The following ATP1B1 variants were observed in gnomAD, a reference collection of about 807,000 sequenced individuals.
The protein encoded by ATP1B1 is ATPase Na+/K+ transporting subunit beta 1.
ATP1B1 carries 3 observed loss-of-function variants against 39.6 expected under a neutral mutation model. The observed-to-expected ratio is 0.08, with a 90% CI of 0.03 to 0.20. ATP1B1 has a LOEUF of 0.20. ATP1B1 is among the 10% of genes least tolerant of loss of function. The pLI is 1.00. For missense variants in ATP1B1, 216 were observed against 371.1 expected (o/e 0.58, Z 3.43); for synonymous variants, 139 against 135.0 (o/e 1.03, Z -0.20).
rs773428182 is a variant in ATP1B1 at position 169,110,610 on chromosome 1, C to T, written c.98-760C>T. On this transcript the variant is annotated intron_variant, in intron 1 of 5. Transcript: ENST00000367815. The stretch of plus-strand genomic sequence containing the variant: ...TTGCTTTTGCAGCTATTTCAGCCTC[C>T]ATCCTGTTGTCTTGTTAACTATGGG... 12 of 1,188,518 alleles carry T rather than the reference C, an allele frequency of 1.0e-5. No individual in the cohort carries two copies. The South Asian group carries it at 1.8e-4, about 17-fold the overall frequency. The allele number at this position is 1,188,518 out of a possible 1,614,324, so 73.6% of individuals were successfully genotyped here.
Position 169,111,683 on chromosome 1 carries a change from C to T in ATP1B1, c.226+185C>T, listed in dbSNP as rs189875731. Among the ~76,000 whole-genome samples the T allele has an allele frequency of 8.5e-5, 13 of 152,330 alleles. No individual in the cohort carries two copies. The East Asian group carries it at 1.7e-3, about 20-fold the overall frequency. ...ACCCGCATTGCAGGCAGAGCTCCCA[C>T]GGGTTGCAGACATCTTATTTGCCCA... is the stretch of plus-strand genomic sequence containing the variant. On this transcript the variant is annotated intron_variant, in intron 2 of 5. Transcript: ENST00000367815.
At chr1:169,130,172 C>A (rs1658176114) in intron 5 of ATP1B1, 82 bp downstream of exon 5, 3 of 1,197,518 alleles carry the variant, frequency 2.5e-6, no homozygotes, top group Non-Finnish European at 3.6e-6. Flanking sequence ...GTTTAAGTGA[C>A]AGGTAGAATT....
chr1:169,116,141 T>C (rs1323069618), intron 2 of ATP1B1, among the ~76,000 whole-genome samples: 1 of 152,268 alleles, frequency 6.6e-6, no homozygotes, highest in East Asian at 1.9e-4. Context: ...GCCCTGGCCC[T>C]GATTTGACCC....
Position 169,124,870 on chromosome 1 carries a change from T to C in ATP1B1, c.227-14T>C. On this transcript the variant is annotated splice_polypyrimidine_tract_variant and intron_variant, in intron 2 of 5. Coordinates refer to ENST00000367815, the MANE Select transcript of ATP1B1 (RefSeq NM_001677.4). ...CTGCCTTCCTACTAATGTTTTTCTCTCTGCCTGGTCTAGGATTAACACAGA... is the reference window on the plus strand; with the variant it reads ...CTGCCTTCCTACTAATGTTTTTCTCCCTGCCTGGTCTAGGATTAACACAGA... 1 of 1,608,666 alleles carries C rather than the reference T, an allele frequency of 6.2e-7. No homozygotes were observed. The highest frequency in any genetic ancestry group is 8.5e-7 in the Non-Finnish European group (1 of 1,178,280).
intron 4 of ATP1B1, among the ~76,000 whole-genome samples, chr1:169,129,041 C>T (rs1658147400): frequency 6.6e-6 from 1 of 152,166 alleles, no homozygotes; most frequent in Non-Finnish European, 1.5e-5. Flanking sequence ...TAGATTCTGG[C>T]AACTTCTTAG....
In ATP1B1 at chr1:169,112,657, G is replaced by A. The variant is rs529138166; in HGVS notation, c.226+1159G>A. Among the ~76,000 whole-genome samples the A allele has an allele frequency of 3.9e-5, 6 of 152,286 alleles. No individual in the cohort carries two copies. In the South Asian group the frequency reaches 1.0e-3, roughly 26 times the overall value. The stretch of plus-strand genomic sequence containing the variant: ...TCACAGAGGAAGATCTTCAAAATAC[G>A]GAGGTGGCAAGCATTGTTGTGTAGC... On this transcript the variant is annotated intron_variant, in intron 2 of 5. Coordinates refer to ENST00000367815, the MANE Select transcript of ATP1B1 (RefSeq NM_001677.4).
chr1:169,130,931 G>A (rs2901029), intron 5 of ATP1B1, among the ~76,000 whole-genome samples: 82,308 of 152,032 alleles, frequency 0.54, 23,163 homozygotes, highest in East Asian at 0.82. Context: ...AAGCAAGGAA[G>A]TGGAGATTGA....
At chr1:169,110,137 T>C (rs1463488450) in intron 1 of ATP1B1, among the ~76,000 whole-genome samples, 1 of 152,166 alleles carries the variant, frequency 6.6e-6, no homozygotes, top group Non-Finnish European at 1.5e-5. Context: ...TTTTAACAGC[T>C]CTGTAGCCTG....
chr1:169,112,395 G>A (rs1259124437), intron 2 of ATP1B1, among the ~76,000 whole-genome samples: 1 of 152,246 alleles, frequency 6.6e-6, no homozygotes, highest in East Asian at 1.9e-4. Context: ...ATTGTCTGGA[G>A]GACCTAGAGA....
At chr1:169,129,910 G>C in intron 4 of ATP1B1, 100 bp from the exon 5 acceptor site, 1 of 1,098,646 alleles carries the variant, frequency 9.1e-7, no homozygotes, top group South Asian at 1.6e-5. Flanking sequence ...TTGACTTACT[G>C]TGACCAGTGT....
intron 1 of ATP1B1, among the ~76,000 whole-genome samples, chr1:169,110,411 A>G (rs1657701675): frequency 6.6e-6 from 1 of 152,074 alleles, no homozygotes; most frequent in Non-Finnish European, 1.5e-5. Context: ...CTTACAGTTC[A>G]CTTGTTCCCT....
At chr1:169,120,610 C>T (rs1657958541) in intron 2 of ATP1B1, among the ~76,000 whole-genome samples, 1 of 152,202 alleles carries the variant, frequency 6.6e-6, no homozygotes, top group African/African-American at 2.4e-5. Context: ...TCACCCCTTG[C>T]TTTCTTGGTT....
chr1:169,127,819 A>T (rs10919069), intron 4 of ATP1B1, among the ~76,000 whole-genome samples: 61,944 of 151,810 alleles, frequency 0.41, 14,456 homozygotes, highest in Non-Finnish European at 0.53. Flanking sequence ...TAAAAAAAAA[A>T]TTTTAACCCA....
Position 169,131,924 on chromosome 1 carries a change from CA to C in ATP1B1, c.*371del, listed in dbSNP as rs1658230964. On this transcript the variant is annotated 3_prime_UTR_variant, in exon 6 of 6. Transcript: ENST00000367815. The surrounding 1 kb of genome is among the most constrained non-coding windows in gnomAD (Gnocchi z 4.4). ...ACAGGTGCATACTCTGGTCATTTTT[CA>C]AGCCATGTTTTATTGTATCTGTTTT... The C allele has an allele frequency of 3.1e-6, 1 of 323,138 alleles. No individual in the cohort carries two copies. Among genetic ancestry groups the C allele is most frequent in the African/African-American group, 2.2e-5 (1 of 44,574 alleles). 20.0% of individuals were successfully genotyped at this position (323,138 alleles called of 1,614,324 possible).
chr1:169,124,240 C>T (rs566631273), intron 2 of ATP1B1, among the ~76,000 whole-genome samples: 29 of 152,094 alleles, frequency 1.9e-4, no homozygotes, highest in Non-Finnish European at 4.1e-4. Flanking sequence ...TTTATCTGAC[C>T]GGCACTGACA....
chr1:169,120,466 C>T (rs918666735), intron 2 of ATP1B1, among the ~76,000 whole-genome samples: 28 of 152,296 alleles, frequency 1.8e-4, no homozygotes, highest in Middle Eastern at 3.4e-3. Context: ...GTTTATCTGT[C>T]ATTCCTCGGC....
Position 169,110,524 on chromosome 1 carries a change from C to G in ATP1B1, c.98-846C>G, listed in dbSNP as rs999142258. 4 of 699,042 alleles carry G rather than the reference C, an allele frequency of 5.7e-6. No homozygotes were observed. The African/African-American group carries it at 7.6e-5, about 13-fold the overall frequency. 43.3% of individuals were successfully genotyped at this position (699,042 alleles called of 1,614,324 possible). A position where few individuals can be genotyped will look rare whatever the true frequency, so the allele number is the denominator to read the frequency against. ...TAATCAGGGAGATAATCCTTGTAAACCAGTAACTGATAGCCACCCTCATTC... is the reference window on the plus strand; with the variant it reads ...TAATCAGGGAGATAATCCTTGTAAAGCAGTAACTGATAGCCACCCTCATTC... On this transcript the variant is annotated intron_variant, in intron 1 of 5. Transcript: ENST00000367815.
intron 2 of ATP1B1, 39 bp downstream of exon 2, chr1:169,111,537 A>C: frequency 6.3e-7 from 1 of 1,593,698 alleles, no homozygotes. Context: ...CTTCAGAGAT[A>C]GCATGGGTGT....
intron 2 of ATP1B1, among the ~76,000 whole-genome samples, chr1:169,117,462 G>A (rs1406664942): frequency 1.3e-5 from 2 of 152,080 alleles, no homozygotes; most frequent in Non-Finnish European, 1.5e-5. Context: ...AAATGTTCTT[G>A]GAGCCACAGA....
Sources: gnomAD v4.1 joint callset for allele counts (sites outside exome capture counted in the v4.1 genomes callset) on GRCh38, gnomAD v4.1.1 for gene constraint, Gnocchi (gnomAD v3.1) non-coding constraint, MANE v1.5 for transcripts, NCBI Gene and HGNC (gene_info 2026-07-23, HGNC 2026-07-21) for gene names.